Variants in ERC2 observed in about 807,000 individuals in gnomAD.
The protein encoded by ERC2 is ELKS/RAB6-interacting/CAST family member 2.
Under a neutral mutation model 114.8 loss-of-function variants are expected in ERC2, and 42 were observed. That is an observed-to-expected ratio of 0.37 (90% confidence interval 0.29 to 0.47). The LOEUF (loss-of-function observed/expected upper bound fraction) is 0.47, where lower values mean the gene tolerates loss of function less well. Ranked by LOEUF, ERC2 falls within the 20% of genes least tolerant of loss-of-function variation. ERC2 has a pLI of 0.99. For synonymous variants in ERC2, 454 were observed against 425.5 expected (o/e 1.07, Z -0.82); for missense variants, 939 against 1,150.7 (o/e 0.82, Z 2.66).
At chr3:55,639,011 G>A (rs2060067961) in intron 17 of ERC2, among the ~76,000 whole-genome samples, 1 of 152,282 alleles carries the variant, frequency 6.6e-6, no homozygotes, top group Middle Eastern at 3.4e-3. Flanking sequence ...CAATACCTGA[G>A]CGTTGAGAAC....
At chr3:56,188,619 T>C (rs1391907648) in intron 3 of ERC2, among the ~76,000 whole-genome samples, 3 of 152,190 alleles carry the variant, frequency 2.0e-5, no homozygotes, top group African/African-American at 7.2e-5. Flanking sequence ...TGGTCTTTCT[T>C]TTGCTGCAGA....
chr3:56,458,191 A>G (rs1325468472), intron 1 of ERC2, among the ~76,000 whole-genome samples: 1 of 152,218 alleles, frequency 6.6e-6, no homozygotes, highest in Non-Finnish European at 1.5e-5. Context: ...AACTAATAAA[A>G]TGATAATTAC....
chr3:56,299,076 TATAGCTAG>T (rs1307725905), intron 2 of ERC2, among the ~76,000 whole-genome samples: 1 of 151,590 alleles, frequency 6.6e-6, no homozygotes, highest in African/African-American at 2.4e-5. Context: ...TATATACATA[TATAGCTAG>T]ATAGGTAGAT....
chr3:56,227,173 CT>C (rs2050301758), intron 3 of ERC2, among the ~76,000 whole-genome samples: 1 of 152,104 alleles, frequency 6.6e-6, no homozygotes, highest in African/African-American at 2.4e-5. Flanking sequence ...TAGAATTCAC[CT>C]CCATTCTTAA....
At chr3:55,779,327 C>CAAAAAAAAAAAAAAAAAAA in intron 14 of ERC2, among the ~76,000 whole-genome samples, 1 of 62,470 alleles carries the variant, frequency 1.6e-5, no homozygotes, top group Non-Finnish European at 3.5e-5. Flanking sequence ...ACTAAAAATA[C>CAAAAAAAAAAAAAAAAAAA]AAAAAAAAAA....
At chr3:55,767,258 C>T (rs185653355) in intron 14 of ERC2, among the ~76,000 whole-genome samples, 31 of 152,262 alleles carry the variant, frequency 2.0e-4, no homozygotes, top group East Asian at 9.6e-4. Flanking sequence ...AATTGCTCAG[C>T]GGGCTTAGGT....
intron 2 of ERC2, among the ~76,000 whole-genome samples, chr3:56,312,327 T>C (rs1022887697): frequency 6.6e-5 from 10 of 152,152 alleles, no homozygotes; most frequent in African/African-American, 2.4e-4. Context: ...GAAGGGTGTG[T>C]GGGTGAAAAG....
At chr3:56,427,097 G>A (rs971708784) in intron 2 of ERC2, among the ~76,000 whole-genome samples, 1 of 151,640 alleles carries the variant, frequency 6.6e-6, no homozygotes, top group Non-Finnish European at 1.5e-5. Context: ...GGGAGGTAAA[G>A]GTTGCAGTGA....
At chr3:55,897,811 C>A (rs561305595) in intron 13 of ERC2, among the ~76,000 whole-genome samples, 1 of 152,292 alleles carries the variant, frequency 6.6e-6, no homozygotes, top group Non-Finnish European at 1.5e-5. Context: ...CTTAGAGTGA[C>A]ACCTTTTGGA....
intron 14 of ERC2, among the ~76,000 whole-genome samples, chr3:55,887,548 G>T (rs1236616363): frequency 6.6e-6 from 1 of 152,164 alleles, no homozygotes; most frequent in Admixed American, 6.5e-5. Context: ...ATTTAGTGAT[G>T]ATTTCATTTA....
chr3:55,967,849 G>C (rs1559948608), intron 12 of ERC2, among the ~76,000 whole-genome samples: 1 of 152,074 alleles, frequency 6.6e-6, no homozygotes, highest in Non-Finnish European at 1.5e-5. Flanking sequence ...GTACTCTCTT[G>C]CCCTCTCTTG....
chr3:55,972,308 G>T (rs528451019), intron 12 of ERC2, among the ~76,000 whole-genome samples: 1 of 152,140 alleles, frequency 6.6e-6, no homozygotes, highest in Admixed American at 6.5e-5. Flanking sequence ...TGTGCAGAAC[G>T]TGCAGGTTTG....
At chr3:55,644,014 C>T (rs549362093) in intron 17 of ERC2, among the ~76,000 whole-genome samples, 8 of 151,964 alleles carry the variant, frequency 5.3e-5, no homozygotes, top group South Asian at 2.1e-4. Flanking sequence ...GGGGTCTTTA[C>T]GGACAGGATG....
intron 3 of ERC2, among the ~76,000 whole-genome samples, chr3:56,221,326 ATTC>A (rs984291817): frequency 6.6e-6 from 1 of 151,144 alleles, no homozygotes; most frequent in African/African-American, 2.4e-5. Context: ...AAACAATGTT[ATTC>A]TTCTGGTTTT....
chr3:56,364,632 C>G (rs1406210634), intron 2 of ERC2, among the ~76,000 whole-genome samples: 1 of 152,216 alleles, frequency 6.6e-6, no homozygotes, highest in Non-Finnish European at 1.5e-5. Flanking sequence ...ATCCTGTTTT[C>G]TGAGCTTTCC....
At chr3:55,675,361 T>C (rs1281385579) in intron 17 of ERC2, among the ~76,000 whole-genome samples, 2 of 152,170 alleles carry the variant, frequency 1.3e-5, no homozygotes, top group African/African-American at 4.8e-5. Context: ...GCAGAGATCA[T>C]GTGACTCTGG....
At chr3:55,637,493 AC>A (rs1467306680) in intron 17 of ERC2, among the ~76,000 whole-genome samples, 1 of 152,256 alleles carries the variant, frequency 6.6e-6, no homozygotes, top group East Asian at 1.9e-4. Flanking sequence ...GAAGGCACAG[AC>A]TGGGAGCAGA....
intron 8 of ERC2, among the ~76,000 whole-genome samples, chr3:56,017,760 G>T (rs570181905): frequency 2.6e-5 from 4 of 152,038 alleles, no homozygotes; most frequent in Non-Finnish European, 5.9e-5. Flanking sequence ...CGTATTTATT[G>T]TCTGTCTCCC....
At chr3:56,313,138 C>G (rs1338425795) in intron 2 of ERC2, among the ~76,000 whole-genome samples, 1 of 122,224 alleles carries the variant, frequency 8.2e-6, no homozygotes, top group Non-Finnish European at 1.7e-5. Flanking sequence ...TATGAATGGA[C>G]AAAAAAAAAA....
Sources: allele counts gnomAD v4.1 joint callset (sites outside exome capture counted in the v4.1 genomes callset), GRCh38; gene constraint gnomAD v4.1.1; transcripts MANE v1.5; gene names NCBI Gene and HGNC (gene_info 2026-07-23, HGNC 2026-07-21).